EIF4EBP1: variants seen among roughly 807,000 people sequenced by gnomAD.
EIF4EBP1 encodes the protein eukaryotic translation initiation factor 4E binding protein 1, also known as eukaryotic translation initiation factor 4E-binding protein 1.
In EIF4EBP1, 5 loss-of-function variants were observed where a neutral mutation model predicts 9.2. That is an observed-to-expected ratio of 0.54 (90% CI 0.28 to 1.14). The LOEUF (loss-of-function observed/expected upper bound fraction) is 1.14, where lower values mean the gene tolerates loss of function less well. EIF4EBP1 is among the 50% of genes most tolerant of loss of function. EIF4EBP1 has a pLI of 0.09. For synonymous variants in EIF4EBP1, 62 were observed against 67.0 expected (o/e 0.93, Z 0.36); for missense variants, 139 against 169.6 (o/e 0.82, Z 1.00).
At chr8:38,038,814 T>C (rs1809337096) in intron 1 of EIF4EBP1, among the ~76,000 whole-genome samples, 1 of 152,076 alleles carries the variant, frequency 6.6e-6, no homozygotes, top group African/African-American at 2.4e-5. Context: ...GTCACAAGCT[T>C]GTCCAACCCG....
chr8:38,056,055 G>A (rs1809590863), intron 1 of EIF4EBP1, among the ~76,000 whole-genome samples: 1 of 151,902 alleles, frequency 6.6e-6, no homozygotes, highest in Non-Finnish European at 1.5e-5. Flanking sequence ...GTCTTTTTGA[G>A]ATAGGGTCTC....
chr8:38,039,181 C>T (rs917531584), intron 1 of EIF4EBP1, among the ~76,000 whole-genome samples: 14 of 151,058 alleles, frequency 9.3e-5, no homozygotes, highest in African/African-American at 2.9e-4. Context: ...CGTGAGCCAC[C>T]ACACCCAGCC....
At chr8:38,059,731 C>T (rs536898231) in intron 2 of EIF4EBP1, among the ~76,000 whole-genome samples, 173 bp from the exon 3 acceptor site, 2 of 148,440 alleles carry the variant, frequency 1.3e-5, no homozygotes, top group South Asian at 2.1e-4. Flanking sequence ...ACTCCAGCCT[C>T]GGAGACAGAG....
At chr8:38,057,375 C>T (rs898879841) in intron 2 of EIF4EBP1, 115 bp downstream of exon 2, 2 of 1,275,910 alleles carry the variant, frequency 1.6e-6, no homozygotes, top group Non-Finnish European at 2.1e-6. Context: ...CTCTGCCCTA[C>T]CCTCTAAGGA....
At chr8:38,057,770 T>G (rs1025187544) in intron 2 of EIF4EBP1, among the ~76,000 whole-genome samples, 3 of 152,190 alleles carry the variant, frequency 2.0e-5, no homozygotes, top group African/African-American at 7.2e-5. Context: ...GTAGAAACAA[T>G]GCAGCCAGTT....
chr8:38,032,525 T>C (rs988763064), intron 1 of EIF4EBP1, among the ~76,000 whole-genome samples: 1 of 152,074 alleles, frequency 6.6e-6, no homozygotes, highest in Non-Finnish European at 1.5e-5. Context: ...ATATAAAATA[T>C]AGGAACTTCA....
In EIF4EBP1 at chr8:38,042,326, G is replaced by A. The variant is rs183124154; in HGVS notation, c.145+11608G>A. Among the ~76,000 whole-genome samples, 37 of 152,318 alleles carry A rather than the reference G, an allele frequency of 2.4e-4. No individual in the cohort carries two copies. In the East Asian group the frequency reaches 6.9e-3, roughly 29 times the overall value. ...TCAGTACTCCCTTTGGTTTGGAAGT[G>A]GACAGTGTGGAGGTCTCTTGCCTTA... On this transcript the variant is annotated intron_variant, in intron 1 of 2. Coordinates refer to ENST00000338825, the MANE Select transcript of EIF4EBP1 (RefSeq NM_004095.4).
rs752083855 is a variant in EIF4EBP1, at chr8:38,059,881, C to G, written c.326-23C>G. ...AAGCATTCACCCATTGTTGACCTGG[C>G]CCTCTGTCCCCTCTCTCCCCAGGTG... On this transcript the variant is annotated intron_variant, in intron 2 of 2. Coordinates refer to ENST00000338825, the MANE Select transcript of EIF4EBP1 (RefSeq NM_004095.4). 10 of 1,612,816 alleles carry G rather than the reference C, an allele frequency of 6.2e-6. No individual in the cohort carries two copies. The Admixed American group carries it at 1.7e-4, about 27-fold the overall frequency.
chr8:38,056,697 G>A (rs903678160), intron 1 of EIF4EBP1, among the ~76,000 whole-genome samples: 1 of 146,178 alleles, frequency 6.8e-6, no homozygotes, highest in African/African-American at 2.6e-5. Context: ...AAGGAGTCTC[G>A]CTCTGTTACC....
rs548156412 is a variant in EIF4EBP1, at chr8:38,030,859, G to T, written c.145+141G>T. 2.5e-5 allele frequency: 32 copies of T among 1,260,402 alleles called. No individual in the cohort carries two copies. The South Asian group carries it at 5.4e-4, about 21-fold the overall frequency. The allele number at this position is 1,260,402 out of a possible 1,614,324, so 78.1% of individuals were successfully genotyped here. A position where few individuals can be genotyped will look rare whatever the true frequency, so the allele number is the denominator to read the frequency against. ...AAGGGGCATCGGAGAGACAGCGAGG[G>T]TCATGGAAGTGGCCGCCCGCTTCCC... On this transcript the variant is annotated intron_variant, in intron 1 of 2. Coordinates refer to ENST00000338825, the MANE Select transcript of EIF4EBP1 (RefSeq NM_004095.4).
At chr8:38,047,248 G>C (rs931091204) in intron 1 of EIF4EBP1, 6 of 152,108 alleles carry the variant, frequency 3.9e-5, no homozygotes, top group Admixed American at 6.6e-5. Context: ...TTGGATCTAG[G>C]CACTTTCACT....
rs1192862929 is a variant in EIF4EBP1 at position 38,030,603 on chromosome 8, C to T, written c.30C>T (p.Thr10=). ...CCGGGGGCAGCAGCTGCAGCCAGAC[C>T]CCAAGCCGGGCCATCCCCGCCACTC... is the stretch of plus-strand genomic sequence containing the variant. MSGGSSCSQ[T]PSRAIPATRR... The change falls in exon 1 of 3, where the codon ACC becomes ACT. Residue 10 remains threonine, a synonymous_variant. Coordinates refer to ENST00000338825, the MANE Select transcript of EIF4EBP1 (RefSeq NM_004095.4). 6.6e-7 allele frequency: 1 copy of T among 1,515,400 alleles called. No homozygotes were observed. Among genetic ancestry groups the T allele is most frequent in the Admixed American group, 2.0e-5 (1 of 49,268 alleles). 93.9% of individuals were successfully genotyped at this position (1,515,400 alleles called of 1,614,324 possible). A position where few individuals can be genotyped will look rare whatever the true frequency, so the allele number is the denominator to read the frequency against.
intron 1 of EIF4EBP1, among the ~76,000 whole-genome samples, chr8:38,046,205 C>T (rs1310803061): frequency 6.6e-6 from 1 of 152,174 alleles, no homozygotes; most frequent in African/African-American, 2.4e-5. Context: ...ACCCGGCCTA[C>T]ACCTGGCTAA....
intron 1 of EIF4EBP1, among the ~76,000 whole-genome samples, chr8:38,037,034 A>G (rs1488336221): frequency 2.6e-5 from 4 of 152,112 alleles, no homozygotes; most frequent in African/African-American, 9.7e-5. Flanking sequence ...TTGTGCACAT[A>G]GATTCTTGCC....
chr8:38,055,300 A>G (rs1476153405), intron 1 of EIF4EBP1, among the ~76,000 whole-genome samples: 3 of 152,158 alleles, frequency 2.0e-5, no homozygotes, highest in African/African-American at 7.2e-5. Context: ...ATGAATCTCA[A>G]TATGTACAAC....
At chr8:38,034,881 G>A (rs1809277370) in intron 1 of EIF4EBP1, among the ~76,000 whole-genome samples, 1 of 152,134 alleles carries the variant, frequency 6.6e-6, no homozygotes, top group African/African-American at 2.4e-5. Context: ...ATTAAGGATG[G>A]GTTAAAAGAG....
chr8:38,041,846 GC>G (rs1809384960), intron 1 of EIF4EBP1, among the ~76,000 whole-genome samples: 1 of 152,068 alleles, frequency 6.6e-6, no homozygotes, highest in Admixed American at 6.6e-5. Context: ...TTTAAAACTA[GC>G]CAGGTGTAGC....
chr8:38,054,095 C>T (rs1809560110), intron 1 of EIF4EBP1, among the ~76,000 whole-genome samples: 1 of 152,112 alleles, frequency 6.6e-6, no homozygotes. Context: ...GGTTGCTGGC[C>T]CCTGGGCGCT....
rs150285688 is a variant in EIF4EBP1, at chr8:38,057,556, C to T, written c.325+296C>T. Among the ~76,000 whole-genome samples, 351 of 152,326 alleles carry T rather than the reference C, an allele frequency of 2.3e-3. 1 individual carries two copies. Among genetic ancestry groups the T allele is most frequent in the Non-Finnish European group, 4.1e-3 (280 of 68,038 alleles). On this transcript the variant is annotated intron_variant, in intron 2 of 2. Transcript: ENST00000338825. Reference sequence around the variant, plus strand: ...AAATGGCAGCGGCTGCACACAGCAACTTTCGTAAGCATGTGCCTCTGTATA... The same window carrying T: ...AAATGGCAGCGGCTGCACACAGCAATTTTCGTAAGCATGTGCCTCTGTATA...
Sources: allele counts gnomAD v4.1 joint callset (sites outside exome capture counted in the v4.1 genomes callset), GRCh38; gene constraint gnomAD v4.1.1; transcripts MANE v1.5; gene names NCBI Gene and HGNC (gene_info 2026-07-23, HGNC 2026-07-21).